DDX19B: variants seen among roughly 807,000 people sequenced by gnomAD.
The protein encoded by DDX19B is ATP-dependent RNA helicase DDX19B.
A neutral mutation model predicts 58.1 loss-of-function variants in DDX19B; 27 were observed. The observed-to-expected ratio is 0.46, with a 90% CI of 0.34 to 0.64. DDX19B has a LOEUF of 0.64. DDX19B is among the 30% of genes least tolerant of loss of function. DDX19B has a pLI of 0.01. For synonymous variants in DDX19B, 187 were observed against 214.4 expected (o/e 0.87, Z 1.12); for missense variants, 399 against 596.5 (o/e 0.67, Z 3.45).
chr16:70,299,053 G>C, upstream of DDX19B: 1 of 1,019,704 alleles, frequency 9.8e-7, no homozygotes, highest in Non-Finnish European at 1.3e-6. Flanking sequence ...ACCTCAGCTT[G>C]ATAGGAAAGC....
chr16:70,315,846 CG>C, intron 3 of DDX19B, 122 bp from the exon 4 acceptor site: 2 of 1,303,532 alleles, frequency 1.5e-6, no homozygotes, highest in Non-Finnish European at 2.1e-6. Flanking sequence ...AAAACTATGA[CG>C]TACCTTGAAT....
chr16:70,322,196 T>A (rs1219200571), intron 5 of DDX19B, among the ~76,000 whole-genome samples: 1 of 151,630 alleles, frequency 6.6e-6, no homozygotes, highest in Non-Finnish European at 1.5e-5. Flanking sequence ...AGGGCAAAAT[T>A]AAAAAAGAAA....
intron 1 of DDX19B, among the ~76,000 whole-genome samples, chr16:70,301,018 A>G (rs1961461201): frequency 6.6e-6 from 1 of 152,112 alleles, no homozygotes; most frequent in Non-Finnish European, 1.5e-5. Flanking sequence ...GTCTGCTTCA[A>G]ATTGGACTAG....
chr16:70,297,251 C>T (rs544637713), upstream of DDX19B, among the ~76,000 whole-genome samples: 68 of 151,490 alleles, frequency 4.5e-4, no homozygotes, highest in South Asian at 0.011. Context: ...TTTCACTCGT[C>T]GCCCAGGCTG....
rs1362594917 is a variant in DDX19B at position 70,316,761 on chromosome 16, AATT to A, written c.296+661_296+663del. Among the ~76,000 whole-genome samples, 89 of 152,264 alleles carry A rather than the reference AATT, an allele frequency of 5.8e-4. 1 individual carries two copies. Among genetic ancestry groups the A allele is most frequent in the Non-Finnish European group, 3.8e-4 (26 of 68,024 alleles). On this transcript the variant is annotated intron_variant, in intron 4 of 11. Coordinates refer to ENST00000288071, the MANE Select transcript of DDX19B (RefSeq NM_007242.7). ...ACATGTATTCAGTTCACCACAGCTC[AATT>A]ATTGTTGATTACAAACTATGTGTAG...
upstream of DDX19B, chr16:70,294,796 C>G (rs1360443760): frequency 1.4e-6 from 2 of 1,390,410 alleles, no homozygotes; most frequent in African/African-American, 2.9e-5. Flanking sequence ...CCGGCTTGGC[C>G]AGTGCCAAGA....
chr16:70,320,689 G>T (rs1962732413), intron 5 of DDX19B, among the ~76,000 whole-genome samples: 1 of 151,776 alleles, frequency 6.6e-6, no homozygotes, highest in South Asian at 2.1e-4. Flanking sequence ...GAGTAGCTGG[G>T]ATTACAGGCA....
chr16:70,309,369 C>T (rs756355623), intron 1 of DDX19B, among the ~76,000 whole-genome samples: 2 of 151,896 alleles, frequency 1.3e-5, no homozygotes, highest in Non-Finnish European at 2.9e-5. Flanking sequence ...GTGGCAGGCG[C>T]CTGTAGTCCC....
At chr16:70,332,412 C>T (rs1409200299) in intron 10 of DDX19B, among the ~76,000 whole-genome samples, 3 of 152,062 alleles carry the variant, frequency 2.0e-5, no homozygotes, top group East Asian at 1.9e-4. Flanking sequence ...GTGATTCTCC[C>T]GCCTCAGCCT....
At position 70,329,277 on chromosome 16, in the gene DDX19B, T is replaced by C. The variant is rs1281597459; in HGVS notation, c.608-15T>C. 6 of 1,608,200 alleles carry C rather than the reference T, an allele frequency of 3.7e-6. No homozygotes were observed. Among genetic ancestry groups the C allele is most frequent in the South Asian group, 2.2e-5 (2 of 90,954 alleles). ...GAAATACCCACACATGGAAAACATC[T>C]TGGGGTCTCCACAGTGGAAAGAGGC... On this transcript the variant is annotated splice_polypyrimidine_tract_variant and intron_variant, in intron 7 of 11. Transcript: ENST00000288071.
intron 1 of DDX19B, among the ~76,000 whole-genome samples, chr16:70,308,230 G>A (rs2152190323): frequency 6.6e-6 from 1 of 151,514 alleles, no homozygotes; most frequent in South Asian, 2.1e-4. Context: ...TGGGATTACA[G>A]GCGTGAGCCA....
chr16:70,332,698 AC>A (rs778420270), intron 10 of DDX19B, among the ~76,000 whole-genome samples: 11 of 151,320 alleles, frequency 7.3e-5, no homozygotes, highest in Non-Finnish European at 1.6e-4. Context: ...TCTGTCTCCA[AC>A]TCTCAGGGAC....
At chr16:70,312,888 G>T (rs1191843179) in intron 2 of DDX19B, among the ~76,000 whole-genome samples, 2 of 152,192 alleles carry the variant, frequency 1.3e-5, no homozygotes, top group African/African-American at 4.8e-5. Flanking sequence ...CTGTTGCCCA[G>T]GCTGGAGTGC....
intron 1 of DDX19B, among the ~76,000 whole-genome samples, chr16:70,310,070 C>A (rs1348698897): frequency 1.3e-5 from 2 of 151,370 alleles, no homozygotes; most frequent in Non-Finnish European, 2.9e-5. Flanking sequence ...ACAGTAAGAT[C>A]CCAACTCTAC....
upstream of DDX19B, among the ~76,000 whole-genome samples, chr16:70,293,559 C>CAA (rs1961111825): frequency 6.9e-6 from 1 of 145,108 alleles, no homozygotes; most frequent in Non-Finnish European, 1.5e-5. Flanking sequence ...GTTTACAATG[C>CAA]TGGCTTATTT....
At position 70,331,811 on chromosome 16, in the gene DDX19B, G is replaced by C. The variant is rs1567640614; in HGVS notation, c.1113G>C (p.Gln371His). The C allele has an allele frequency of 6.2e-7, 1 of 1,614,212 alleles. No individual in the cohort carries two copies. ...ALLSGEMMVE[Q>H]RAAVIERFRE... is the part of the protein sequence containing the mutation. ...TGAGTGGGGAGATGATGGTGGAACA[G>C]AGGGCTGCAGTGATTGAGCGCTTCC... The change falls in exon 10 of 12, where the codon CAG (glutamine) becomes CAC (histidine). Residue 371 changes from glutamine to histidine, a missense_variant. Transcript: ENST00000288071.
chr16:70,312,656 T>C lies in DDX19B; in HGVS notation c.105T>C (p.Asn35=), dbSNP rs193122145. 5 of 1,610,722 alleles carry C rather than the reference T, an allele frequency of 3.1e-6. No individual in the cohort carries two copies. The African/African-American group carries it at 5.3e-5, about 17-fold the overall frequency. Residue 35 remains asparagine (N), a splice_region_variant and synonymous_variant, in exon 2 of 12, where the codon AAT becomes AAC. Coordinates refer to ENST00000288071, the MANE Select transcript of DDX19B (RefSeq NM_007242.7). The part of the protein sequence containing the change: ...LKEEKIKPDT[N]GAVVKTNANA... ...AAGAGAAAATCAAACCAGATACCAA[T>C]GGTAAGTAACTAATAGCTAGTTTGA...
At chr16:70,295,087 C>T (rs1026273368), upstream of DDX19B, 3 of 1,271,454 alleles carry the variant, frequency 2.4e-6, no homozygotes, top group African/African-American at 3.1e-5. Flanking sequence ...CCTGTGATTT[C>T]AGGGGAAACT....
intron 6 of DDX19B, among the ~76,000 whole-genome samples, chr16:70,325,343 T>G (rs891411733): frequency 1.3e-5 from 2 of 152,228 alleles, no homozygotes; most frequent in African/African-American, 4.8e-5. Context: ...GGTGGGTTTT[T>G]GTATTGCAGT....
Sources: gnomAD v4.1 joint callset for allele counts (sites outside exome capture counted in the v4.1 genomes callset) on GRCh38, gnomAD v4.1.1 for gene constraint, MANE v1.5 for transcripts, NCBI Gene and HGNC (gene_info 2026-07-23, HGNC 2026-07-21) for gene names.